UNC5C: variants seen among roughly 807,000 people sequenced by gnomAD.
UNC5C encodes the protein netrin receptor UNC5C.
UNC5C carries 47 observed loss-of-function variants against 99.8 expected under a neutral mutation model. That is an observed-to-expected ratio of 0.47 (90% CI 0.37 to 0.60). The LOEUF is 0.60. UNC5C is among the 20% of genes least tolerant of loss of function. The probability of loss-of-function intolerance (pLI) is 0.00; values close to 1 mark genes in which losing one functional copy is unlikely to be tolerated. For missense variants in UNC5C, 1,062 were observed against 1,165.9 expected (o/e 0.91, Z 1.30); for synonymous variants, 487 against 452.2 (o/e 1.08, Z -0.98).
chr4:95,449,542 A>C (rs920594395), intron 1 of UNC5C, among the ~76,000 whole-genome samples: 1 of 152,220 alleles, frequency 6.6e-6, no homozygotes, highest in Non-Finnish European at 1.5e-5. Flanking sequence ...CTCATGAAAA[A>C]TGTTTCCCCA....
At chr4:95,363,539 CTG>C (rs1016139087) in intron 1 of UNC5C, among the ~76,000 whole-genome samples, 1 of 152,022 alleles carries the variant, frequency 6.6e-6, no homozygotes, top group African/African-American at 2.4e-5. Context: ...AAAGCAACAG[CTG>C]TGTGTTTTGA....
intron 1 of UNC5C, among the ~76,000 whole-genome samples, chr4:95,424,138 A>AT (rs1369265120): frequency 3.3e-5 from 5 of 152,156 alleles, no homozygotes; most frequent in Non-Finnish European, 7.4e-5. Flanking sequence ...GATTCATGGA[A>AT]TTTTTAGTAA....
At chr4:95,479,323 T>C (rs1346915977) in intron 1 of UNC5C, among the ~76,000 whole-genome samples, 1 of 151,996 alleles carries the variant, frequency 6.6e-6, no homozygotes, top group African/African-American at 2.4e-5. Context: ...GTGATCACCG[T>C]TTCTATGTGG....
intron 1 of UNC5C, among the ~76,000 whole-genome samples, chr4:95,443,276 G>A (rs1176556308): frequency 6.6e-6 from 1 of 152,136 alleles, no homozygotes; most frequent in African/African-American, 2.4e-5. Context: ...CCAGGCAAGG[G>A]ACATCTTAGA....
At chr4:95,501,072 A>T (rs1304904904) in intron 1 of UNC5C, among the ~76,000 whole-genome samples, 1 of 152,108 alleles carries the variant, frequency 6.6e-6, no homozygotes, top group Non-Finnish European at 1.5e-5. Flanking sequence ...AAAACACCAA[A>T]CTCATAAGCA....
chr4:95,498,694 A>G (rs1040736307), intron 1 of UNC5C, among the ~76,000 whole-genome samples: 36 of 110,438 alleles, frequency 3.3e-4, no homozygotes, highest in African/African-American at 1.0e-3. Context: ...ATGTTTTCAG[A>G]TTGGAACATA....
At chr4:95,225,563 GGTT>G (rs1738652994) in intron 7 of UNC5C, among the ~76,000 whole-genome samples, 1 of 151,968 alleles carries the variant, frequency 6.6e-6, no homozygotes, top group African/African-American at 2.4e-5. Context: ...TTGCATTTGA[GGTT>G]GTTCTGAATG....
chr4:95,539,741 C>T (rs1003085307), intron 1 of UNC5C, among the ~76,000 whole-genome samples: 2 of 152,078 alleles, frequency 1.3e-5, no homozygotes, highest in East Asian at 3.9e-4. Flanking sequence ...TTCTTCATTT[C>T]GTTAAGAATC....
intron 12 of UNC5C, among the ~76,000 whole-genome samples, chr4:95,193,841 G>A (rs901115944): frequency 2.6e-5 from 4 of 152,168 alleles, no homozygotes; most frequent in African/African-American, 9.7e-5. Context: ...AGGCAGTGGA[G>A]AACATCTGAC....
rs190464526 is a variant in UNC5C, at chr4:95,397,303, G to T, written c.125-61672C>A. Among the ~76,000 whole-genome samples, 446 of 152,256 alleles carry T rather than the reference G, an allele frequency of 2.9e-3. 1 individual carries two copies. The highest frequency in any genetic ancestry group is 4.5e-3 in the Non-Finnish European group (308 of 68,010). On this transcript the variant is annotated intron_variant, in intron 1 of 15. Transcript: ENST00000453304. ...AACAAACTCCAAGGTTAATAAACTG[G>T]TGCATTTAAATCTGCACCACCCTTG...
At chr4:95,354,054 C>T (rs1744081554) in intron 1 of UNC5C, among the ~76,000 whole-genome samples, 2 of 152,088 alleles carry the variant, frequency 1.3e-5, no homozygotes, top group Admixed American at 1.3e-4. Flanking sequence ...CTTTCCTCTC[C>T]CTCATTTCCA....
chr4:95,268,808 T>A (rs1740549860), intron 4 of UNC5C, among the ~76,000 whole-genome samples: 1 of 152,216 alleles, frequency 6.6e-6, no homozygotes, highest in Admixed American at 6.5e-5. Context: ...GTTAAACTCA[T>A]ACTGAGGCCC....
chr4:95,547,154 A>G (rs775759061), intron 1 of UNC5C, among the ~76,000 whole-genome samples: 6 of 151,966 alleles, frequency 3.9e-5, no homozygotes, highest in Admixed American at 2.0e-4. Context: ...TTCCTTTTTA[A>G]ATAGACAGAC....
intron 1 of UNC5C, among the ~76,000 whole-genome samples, chr4:95,446,528 G>T (rs745618125): frequency 6.7e-6 from 1 of 149,406 alleles, no homozygotes; most frequent in Non-Finnish European, 1.5e-5. Flanking sequence ...ATGGGAGCAA[G>T]GGTAGGGATT....
intron 13 of UNC5C, among the ~76,000 whole-genome samples, chr4:95,183,930 A>G (rs1736720293): frequency 6.6e-6 from 1 of 152,236 alleles, no homozygotes; most frequent in Admixed American, 6.5e-5. Flanking sequence ...ATGTATGAAG[A>G]GAGTGTCCAG....
chr4:95,290,623 C>T (rs1481221156), intron 3 of UNC5C, among the ~76,000 whole-genome samples: 5 of 151,866 alleles, frequency 3.3e-5, no homozygotes, highest in South Asian at 2.1e-4. Context: ...CATAGGATGT[C>T]GTATGAAGAT....
chr4:95,442,454 C>T (rs548137392), intron 1 of UNC5C, among the ~76,000 whole-genome samples: 287 of 150,232 alleles, frequency 1.9e-3, no homozygotes, highest in African/African-American at 6.6e-3. Context: ...GCGATCTTCC[C>T]TCCTTGGCCT....
intron 7 of UNC5C, among the ~76,000 whole-genome samples, chr4:95,241,723 G>C (rs544719047): frequency 1.4e-4 from 21 of 152,044 alleles, no homozygotes; most frequent in African/African-American, 4.8e-4. Flanking sequence ...TCAATAAAGG[G>C]GTCAGAGTTT....
intron 1 of UNC5C, among the ~76,000 whole-genome samples, chr4:95,371,423 T>G (rs78535566): frequency 0.012 from 368 of 30,850 alleles, 2 homozygotes; most frequent in Non-Finnish European, 0.014. Flanking sequence ...GTATATTTTG[T>G]GGGGGGGGGG....
Sources: gnomAD v4.1 joint callset for allele counts (sites outside exome capture counted in the v4.1 genomes callset) on GRCh38, gnomAD v4.1.1 for gene constraint, MANE v1.5 for transcripts, NCBI Gene and HGNC (gene_info 2026-07-23, HGNC 2026-07-21) for gene names.